The following PCDH11X variants were observed in gnomAD, a reference collection of about 807,000 sequenced individuals.
The protein encoded by PCDH11X is protocadherin-11 X-linked.
In PCDH11X, 18 loss-of-function variants were observed where a neutral mutation model predicts 53.3. That is an observed-to-expected ratio of 0.34 (90% CI 0.23 to 0.50). The LOEUF (loss-of-function observed/expected upper bound fraction) is 0.50. PCDH11X is among the 20% of genes least tolerant of loss of function. The pLI is 0.98. For synonymous variants in PCDH11X, 279 were observed against 393.3 expected (o/e 0.71, Z 3.44); for missense variants, 570 against 1,032.4 (o/e 0.55, Z 6.14).
intron 6 of PCDH11X, among the ~76,000 whole-genome samples, chrX:91,935,438 G>A (rs1354824989): frequency 1.8e-5 from 2 of 111,158 alleles, no homozygotes; most frequent in Non-Finnish European, 3.8e-5. Context: ...TTTTCCTAAA[G>A]AACATTCATT....
Position 91,941,946 on chromosome X carries a change from T to A in PCDH11X, c.3033+62673T>A, listed in dbSNP as rs1223405525. ...AATTAAAAACTAAATAGCACATTTT[T>A]AAATAAATTATTGGTACCAAAATAA... On this transcript the variant is annotated intron_variant, in intron 6 of 10. Coordinates refer to ENST00000682573, the MANE Select transcript of PCDH11X (RefSeq NM_032968.5). Among the ~76,000 whole-genome samples the A allele has an allele frequency of 3.6e-5, 4 of 110,801 alleles. No homozygotes were observed. In the East Asian group the frequency reaches 8.4e-4, roughly 23 times the overall value.
At chrX:92,508,280 G>A (rs1181486428) in intron 10 of PCDH11X, among the ~76,000 whole-genome samples, 12 of 109,963 alleles carry the variant, frequency 1.1e-4, no homozygotes, top group African/African-American at 4.0e-4. Context: ...CTGGAAGGCA[G>A]TGGCATGATC....
chrX:91,857,109 T>C (rs1938383575), intron 5 of PCDH11X, among the ~76,000 whole-genome samples: 2 of 111,365 alleles, frequency 1.8e-5, no homozygotes, highest in African/African-American at 6.6e-5. Flanking sequence ...TCCACGTGGC[T>C]GGAGAGGCCT....
At chrX:92,209,351 A>G (rs548808114) in intron 7 of PCDH11X, among the ~76,000 whole-genome samples, 4 of 112,248 alleles carry the variant, frequency 3.6e-5, no homozygotes, top group East Asian at 5.6e-4. Context: ...GGGTACAGGC[A>G]TTGGGTAAAT....
At position 92,035,114 on chromosome X, in the gene PCDH11X, T is replaced by C. The variant is rs142398956; in HGVS notation, c.3033+155841T>C. On this transcript the variant is annotated intron_variant, in intron 6 of 10. Coordinates refer to ENST00000682573, the MANE Select transcript of PCDH11X (RefSeq NM_032968.5). Reference sequence around the variant, plus strand: ...TATATCTTGTTATACTGTCTTGTAATTATTATTTTTGAGTGGTTAATTGTT... The same window carrying C: ...TATATCTTGTTATACTGTCTTGTAACTATTATTTTTGAGTGGTTAATTGTT... Among the ~76,000 whole-genome samples, 873 of 111,640 alleles carry C rather than the reference T, an allele frequency of 7.8e-3. 7 individuals are homozygous for C. Among genetic ancestry groups the C allele is most frequent in the African/African-American group, 0.027 (825 of 30,745 alleles).
intron 8 of PCDH11X, among the ~76,000 whole-genome samples, chrX:92,329,940 C>T (rs2069423126): frequency 9.0e-6 from 1 of 110,562 alleles, no homozygotes; most frequent in Non-Finnish European, 1.9e-5. Flanking sequence ...CTACACTCAA[C>T]AATAATTTAT....
intron 6 of PCDH11X, among the ~76,000 whole-genome samples, chrX:91,987,148 G>T (rs1351573510): frequency 8.9e-6 from 1 of 112,031 alleles, no homozygotes; most frequent in Non-Finnish European, 1.9e-5. Flanking sequence ...GCAATGGAGT[G>T]ATCTCAAGTG....
chrX:91,816,263 A>G (rs992454903), intron 4 of PCDH11X, among the ~76,000 whole-genome samples: 15 of 111,906 alleles, frequency 1.3e-4, no homozygotes, highest in African/African-American at 4.2e-4. Flanking sequence ...CATTGCCCCA[A>G]TTTGTTTATT....
intron 8 of PCDH11X, among the ~76,000 whole-genome samples, chrX:92,311,027 CTT>C (rs1279405691): frequency 9.0e-6 from 1 of 111,538 alleles, no homozygotes; most frequent in Non-Finnish European, 1.9e-5. Flanking sequence ...TGTACAGTGA[CTT>C]TGACCTCAAC....
intron 10 of PCDH11X, among the ~76,000 whole-genome samples, chrX:92,496,780 A>C (rs2073867444): frequency 9.2e-6 from 1 of 108,543 alleles, no homozygotes; most frequent in Non-Finnish European, 1.9e-5. Context: ...TAAGTAACTA[A>C]CTTCTAAGAA....
chrX:92,376,684 T>C (rs187437281), intron 8 of PCDH11X, among the ~76,000 whole-genome samples: 1 of 112,239 alleles, frequency 8.9e-6, no homozygotes, highest in African/African-American at 3.2e-5. Flanking sequence ...CTACTCTTTC[T>C]TTAGGTAAAA....
chrX:91,973,612 AC>A (rs1196608362), intron 6 of PCDH11X, among the ~76,000 whole-genome samples: 1 of 97,187 alleles, frequency 1.0e-5, no homozygotes, highest in Admixed American at 1.2e-4. Flanking sequence ...AGTATATACA[AC>A]TTTTTTTTTT....
chrX:92,118,194 T>G (rs2064678226), intron 6 of PCDH11X, among the ~76,000 whole-genome samples: 1 of 111,137 alleles, frequency 9.0e-6, no homozygotes, highest in Non-Finnish European at 1.9e-5. Flanking sequence ...CCACCAACAG[T>G]TTTATGAAGC....
intron 6 of PCDH11X, among the ~76,000 whole-genome samples, chrX:92,015,153 A>G (rs1181046030): frequency 1.8e-5 from 2 of 112,197 alleles, no homozygotes; most frequent in Non-Finnish European, 3.8e-5. Context: ...CTGAGGCTTC[A>G]TTGCTTTGAA....
chrX:92,532,338 T>A (rs1385785014), intron 10 of PCDH11X, among the ~76,000 whole-genome samples: 2 of 111,381 alleles, frequency 1.8e-5, no homozygotes, highest in Non-Finnish European at 3.8e-5. Flanking sequence ...CTTCATTTCT[T>A]AAAGAAAATT....
chrX:92,303,414 C>G (rs930777211), intron 8 of PCDH11X, among the ~76,000 whole-genome samples: 1 of 110,786 alleles, frequency 9.0e-6, no homozygotes, highest in Non-Finnish European at 1.9e-5. Flanking sequence ...ATACCAAATT[C>G]GAAAATTCAG....
Position 92,119,117 on chromosome X carries a change from G to T in PCDH11X, c.3034-82258G>T, listed in dbSNP as rs370832064. On this transcript the variant is annotated intron_variant, in intron 6 of 10. Coordinates refer to ENST00000682573, the MANE Select transcript of PCDH11X (RefSeq NM_032968.5). ...TTTAATTTTTTAATTAATTTATTTGGTTTTTTTTGAGACAGGGTCTCTCTG... is the reference window on the plus strand; with the variant it reads ...TTTAATTTTTTAATTAATTTATTTGTTTTTTTTTGAGACAGGGTCTCTCTG... 8.4e-5 allele frequency among the ~76,000 whole-genome samples: 9 copies of T among 107,251 alleles called. 1 individual carries two copies. Among genetic ancestry groups the T allele is most frequent in the African/African-American group, 1.4e-4 (4 of 29,439 alleles). 93.1% of individuals were successfully genotyped at this position (107,251 alleles called of 115,157 possible).
chrX:92,336,363 ATAGT>A (rs1362336343), intron 8 of PCDH11X, among the ~76,000 whole-genome samples: 4 of 111,588 alleles, frequency 3.6e-5, no homozygotes, highest in Admixed American at 9.6e-5. Flanking sequence ...TAATGCTGAA[ATAGT>A]TAGCATTTAT....
intron 1 of PCDH11X, among the ~76,000 whole-genome samples, chrX:91,809,231 C>T (rs1474287253): frequency 1.8e-5 from 2 of 111,581 alleles, no homozygotes; most frequent in African/African-American, 6.5e-5. Flanking sequence ...CAATCTCTTA[C>T]TCTTCCAATC....
Sources: allele counts gnomAD v4.1 joint callset (sites outside exome capture counted in the v4.1 genomes callset), GRCh38; gene constraint gnomAD v4.1.1; transcripts MANE v1.5; gene names NCBI Gene and HGNC (gene_info 2026-07-23, HGNC 2026-07-21).